Variants in MAN1C1 observed in about 807,000 individuals in gnomAD.
MAN1C1 encodes mannosyl-oligosaccharide 1,2-alpha-mannosidase IC.
Under a neutral mutation model 71.5 loss-of-function variants are expected in MAN1C1, and 49 were observed. The observed-to-expected ratio is 0.69, with a 90% confidence interval of 0.54 to 0.87. MAN1C1 has a LOEUF of 0.87. MAN1C1 is among the 40% of genes least tolerant of loss of function. The pLI, the probability that MAN1C1 is intolerant of heterozygous loss-of-function variation, is 0.00. For synonymous variants in MAN1C1, 352 were observed against 343.7 expected (o/e 1.02, Z -0.27); for missense variants, 743 against 835.0 (o/e 0.89, Z 1.36).
intron 1 of MAN1C1, chr1:25,644,884 C>A (rs2124763118): frequency 6.6e-6 from 1 of 152,086 alleles, no homozygotes; most frequent in East Asian, 1.9e-4. Context: ...GAGCACAGAG[C>A]CATTTGAGGA....
At chr1:25,709,312 C>T (rs1343550961) in intron 2 of MAN1C1, among the ~76,000 whole-genome samples, 1 of 152,186 alleles carries the variant, frequency 6.6e-6, no homozygotes, top group East Asian at 1.9e-4. Flanking sequence ...GAAAGTCCAG[C>T]AGGGCCACCT....
At chr1:25,674,078 C>T (rs1246613407) in intron 1 of MAN1C1, among the ~76,000 whole-genome samples, 7 of 152,240 alleles carry the variant, frequency 4.6e-5, no homozygotes, top group African/African-American at 1.7e-4. Flanking sequence ...TGTCCCAATG[C>T]AGTGGCTCCC....
chr1:25,771,900 C>T (rs1432968974), intron 8 of MAN1C1, 128 bp downstream of exon 8: 2 of 685,622 alleles, frequency 2.9e-6, no homozygotes, highest in African/African-American at 1.8e-5. Flanking sequence ...CTGCAATGAA[C>T]CGGTGAGAAG....
At chr1:25,715,892 G>A (rs908067368) in intron 2 of MAN1C1, among the ~76,000 whole-genome samples, 3 of 152,206 alleles carry the variant, frequency 2.0e-5, no homozygotes, top group African/African-American at 7.2e-5. Flanking sequence ...TACAGGTCCA[G>A]GTAGTTAGTC....
chr1:25,620,569 A>G (rs952835583), intron 1 of MAN1C1, among the ~76,000 whole-genome samples: 3 of 152,216 alleles, frequency 2.0e-5, no homozygotes, highest in Admixed American at 6.5e-5. Context: ...TATCTGCGTC[A>G]TGCCCAGGGG....
intron 1 of MAN1C1, among the ~76,000 whole-genome samples, chr1:25,684,242 A>C (rs1284952968): frequency 1.3e-5 from 2 of 152,132 alleles, no homozygotes; most frequent in Non-Finnish European, 2.9e-5. Context: ...CCCTCAGATA[A>C]GAGAGACTGA....
chr1:25,734,414 C>A (rs1331110391), intron 2 of MAN1C1, among the ~76,000 whole-genome samples: 1 of 152,244 alleles, frequency 6.6e-6, no homozygotes, highest in Non-Finnish European at 1.5e-5. Context: ...CTGGCATGAG[C>A]CACTGCACCT....
chr1:25,721,610 A>G (rs1000202679), intron 2 of MAN1C1, among the ~76,000 whole-genome samples: 1 of 152,230 alleles, frequency 6.6e-6, no homozygotes, highest in African/African-American at 2.4e-5. Flanking sequence ...ATAAAATTAC[A>G]ATTGATGTAT....
chr1:25,781,600 G>A (rs1434397728), intron 10 of MAN1C1, among the ~76,000 whole-genome samples: 1 of 152,166 alleles, frequency 6.6e-6, no homozygotes. Flanking sequence ...ACACCTAGGT[G>A]GAAATTTAAT....
intron 2 of MAN1C1, among the ~76,000 whole-genome samples, chr1:25,713,300 A>G (rs559664625): frequency 6.6e-5 from 10 of 152,180 alleles, no homozygotes; most frequent in Middle Eastern, 6.8e-3. Flanking sequence ...ACCACATTGC[A>G]CCCTCATCAC....
At chr1:25,640,061 TA>T (rs2045516408) in intron 1 of MAN1C1, among the ~76,000 whole-genome samples, 1 of 152,238 alleles carries the variant, frequency 6.6e-6, no homozygotes, top group African/African-American at 2.4e-5. Flanking sequence ...AAACAGTTTT[TA>T]AAAAGAGAAT....
intron 1 of MAN1C1, among the ~76,000 whole-genome samples, chr1:25,663,020 G>T (rs928607879): frequency 6.6e-6 from 1 of 151,478 alleles, no homozygotes; most frequent in African/African-American, 2.4e-5. Context: ...GAACCTGGGA[G>T]GCAGAGGTTG....
chr1:25,640,006 C>G (rs1467874088), intron 1 of MAN1C1, among the ~76,000 whole-genome samples: 1 of 152,184 alleles, frequency 6.6e-6, no homozygotes, highest in Non-Finnish European at 1.5e-5. Flanking sequence ...TTACCTTAAG[C>G]CTAATGACTG....
chr1:25,741,119 C>T (rs1417493382), intron 2 of MAN1C1, among the ~76,000 whole-genome samples: 1 of 151,928 alleles, frequency 6.6e-6, no homozygotes, highest in Non-Finnish European at 1.5e-5. Flanking sequence ...GCCCAAAGAC[C>T]TTCAAGTGGA....
chr1:25,696,991 C>T (rs1320310354), intron 2 of MAN1C1, among the ~76,000 whole-genome samples: 1 of 152,194 alleles, frequency 6.6e-6, no homozygotes, highest in Admixed American at 6.5e-5. Context: ...TTAGTTTTGT[C>T]TGCTTTAAAA....
At chr1:25,639,151 CTT>C (rs2045504671) in intron 1 of MAN1C1, among the ~76,000 whole-genome samples, 1 of 152,098 alleles carries the variant, frequency 6.6e-6, no homozygotes, top group Non-Finnish European at 1.5e-5. Context: ...CACCCAATGA[CTT>C]TTTTATTTCA....
intron 1 of MAN1C1, among the ~76,000 whole-genome samples, chr1:25,650,170 G>A (rs928272050): frequency 2.1e-4 from 32 of 152,186 alleles, no homozygotes; most frequent in Admixed American, 6.5e-5. Flanking sequence ...CACTTACTGT[G>A]GGTCAAGCAG....
At chr1:25,674,221 C>T (rs1048438409) in intron 1 of MAN1C1, among the ~76,000 whole-genome samples, 1 of 152,212 alleles carries the variant, frequency 6.6e-6, no homozygotes, top group Non-Finnish European at 1.5e-5. Flanking sequence ...CTTTATTGGG[C>T]CTTTGATAAA....
intron 1 of MAN1C1, among the ~76,000 whole-genome samples, chr1:25,668,765 AG>A (rs2045957508): frequency 6.6e-6 from 1 of 151,966 alleles, no homozygotes; most frequent in Admixed American, 6.6e-5. Flanking sequence ...TCACCATGTT[AG>A]CCAGGATGGT....
Sources: allele counts gnomAD v4.1 joint callset (sites outside exome capture counted in the v4.1 genomes callset), GRCh38; gene constraint gnomAD v4.1.1; transcripts MANE v1.5; gene names NCBI Gene and HGNC (gene_info 2026-07-23, HGNC 2026-07-21).